BCAS3: variants seen among roughly 807,000 people sequenced by gnomAD.
BCAS3 encodes BCAS3 microtubule associated cell migration factor, also known as BCAS4/BCAS3 fusion.
BCAS3 carries 53 observed loss-of-function variants against 116.1 expected under a neutral mutation model. The ratio of observed to expected loss-of-function variants is 0.46; its 90% confidence interval spans 0.37 to 0.57. BCAS3 has a LOEUF of 0.57. Ranked by LOEUF, BCAS3 falls within the 20% of genes least tolerant of loss-of-function variation. The pLI is 0.00. For synonymous variants in BCAS3, 391 were observed against 408.2 expected (o/e 0.96, Z 0.51); for missense variants, 917 against 1,165.4 (o/e 0.79, Z 3.10).
At chr17:60,940,081 C>T (rs1443854293) in intron 13 of BCAS3, among the ~76,000 whole-genome samples, 6 of 152,106 alleles carry the variant, frequency 3.9e-5, no homozygotes, top group Middle Eastern at 3.4e-3. Context: ...TAATACACTT[C>T]GAACTGCTAA....
At position 61,041,441 on chromosome 17, in the gene BCAS3, CT is replaced by C. The variant is rs2067501835; in HGVS notation, c.2029+554del. Among the ~76,000 whole-genome samples, 3 of 149,718 alleles carry C rather than the reference CT, an allele frequency of 2.0e-5. No individual in the cohort carries two copies. The East Asian group carries it at 5.8e-4, about 29-fold the overall frequency. On this transcript the variant is annotated intron_variant, in intron 19 of 23. Coordinates refer to ENST00000407086, the MANE Select transcript of BCAS3 (RefSeq NM_017679.5). This position sits in a 1 kb window ranked among gnomAD's most constrained non-coding sequence, Gnocchi z 4.7. Reference sequence around the variant, plus strand: ...CCAAGTTCATTGACCTAGATAACAGCTTTTTATATGGGAGTCATTTAAAGGC... The same window carrying C: ...CCAAGTTCATTGACCTAGATAACAGCTTTTATATGGGAGTCATTTAAAGGC...
chr17:61,199,896 C>T lies in BCAS3; in HGVS notation c.2425+115332C>T, dbSNP rs1415266645. On this transcript the variant is annotated intron_variant, in intron 22 of 23. Coordinates refer to ENST00000407086, the MANE Select transcript of BCAS3 (RefSeq NM_017679.5). This position sits in a 1 kb window ranked among gnomAD's most constrained non-coding sequence, Gnocchi z 4.6. ...GGCCCTAGGGTCATAACCTCTTAAC[C>T]TTACGGGTTATAGGTCTCTTGCTTT... Among the ~76,000 whole-genome samples the T allele has an allele frequency of 6.6e-6, 1 of 152,168 alleles. No homozygotes were observed. Among genetic ancestry groups the T allele is most frequent in the Non-Finnish European group, 1.5e-5 (1 of 68,018 alleles).
chr17:61,358,500 ATTTTTT>A (rs71150608), intron 22 of BCAS3, among the ~76,000 whole-genome samples: 1 of 130,908 alleles, frequency 7.6e-6, no homozygotes, highest in Non-Finnish European at 1.6e-5. Flanking sequence ...CACGTTTTTA[ATTTTTT>A]TTTTTTTTTT....
At chr17:60,741,656 G>A (rs561027053) in intron 5 of BCAS3, among the ~76,000 whole-genome samples, 1 of 152,266 alleles carries the variant, frequency 6.6e-6, no homozygotes, top group Non-Finnish European at 1.5e-5. Context: ...CAGTTACCAT[G>A]CATCTATTGA....
In BCAS3 at chr17:61,310,620, T is replaced by A. The variant is rs750872660; in HGVS notation, c.2426-57707T>A. Among the ~76,000 whole-genome samples, 213 of 151,414 alleles carry A rather than the reference T, an allele frequency of 1.4e-3. 1 individual carries two copies. Among genetic ancestry groups the A allele is most frequent in the Non-Finnish European group, 2.0e-3 (139 of 67,908 alleles). On this transcript the variant is annotated intron_variant, in intron 22 of 23. Transcript: ENST00000407086. ...AATCTGTCTCTAGCCTGCATGCGAA[T>A]CATCGCCCAGAAACTAATCTGTCCC...
At chr17:60,732,833 G>A (rs574987085) in intron 5 of BCAS3, among the ~76,000 whole-genome samples, 12 of 152,152 alleles carry the variant, frequency 7.9e-5, no homozygotes, top group Admixed American at 3.3e-4. Context: ...GCGAGACATC[G>A]TCTCAAAAAT....
At chr17:60,858,518 G>A (rs1038165193) in intron 7 of BCAS3, among the ~76,000 whole-genome samples, 3 of 151,924 alleles carry the variant, frequency 2.0e-5, no homozygotes, top group African/African-American at 7.3e-5. Context: ...CTTTTTAAAT[G>A]CTGAGTACTT....
In BCAS3 at chr17:61,126,517, C is replaced by G. The variant is rs1043377890; in HGVS notation, c.2425+41953C>G. Among the ~76,000 whole-genome samples the G allele has an allele frequency of 6.6e-6, 1 of 152,108 alleles. No individual in the cohort carries two copies. The highest frequency in any genetic ancestry group is 1.5e-5 in the Non-Finnish European group (1 of 67,992). Reference sequence around the variant, plus strand: ...TCATAATCCAACATAAATTGGCCCACCCAAGGATTATGTCTGTTTTATAAA... The same window carrying G: ...TCATAATCCAACATAAATTGGCCCAGCCAAGGATTATGTCTGTTTTATAAA... On this transcript the variant is annotated intron_variant, in intron 22 of 23. Coordinates refer to ENST00000407086, the MANE Select transcript of BCAS3 (RefSeq NM_017679.5). The surrounding 1 kb of genome is among the most constrained non-coding windows in gnomAD (Gnocchi z 4.6).
intron 22 of BCAS3, among the ~76,000 whole-genome samples, chr17:61,223,151 CTT>C (rs34499099): frequency 7.8e-4 from 62 of 79,080 alleles, no homozygotes; most frequent in African/African-American, 2.9e-3. Flanking sequence ...GATGCAGCGC[CTT>C]TTTTTTTTTT....
rs748517297 is a variant in BCAS3, at chr17:61,028,320, A to G, written c.1638-6346A>G. 7.2e-5 allele frequency among the ~76,000 whole-genome samples: 11 copies of G among 151,874 alleles called. No individual in the cohort carries two copies. The highest frequency in any genetic ancestry group is 1.6e-4 in the Non-Finnish European group (11 of 67,796). On this transcript the variant is annotated intron_variant, in intron 16 of 23. Coordinates refer to ENST00000407086, the MANE Select transcript of BCAS3 (RefSeq NM_017679.5). The surrounding 1 kb of genome is among the most constrained non-coding windows in gnomAD (Gnocchi z 4.3). Reference sequence around the variant, plus strand: ...CACAGTTTGCAAAACTATTCTAAACAAATTCAGGATATACAAGAATATAAA... The same window carrying G: ...CACAGTTTGCAAAACTATTCTAAACGAATTCAGGATATACAAGAATATAAA...
At chr17:60,808,141 C>T in intron 7 of BCAS3, 65 bp downstream of exon 7, 1 of 1,119,844 alleles carries the variant, frequency 8.9e-7, no homozygotes, top group Non-Finnish European at 1.3e-6. Flanking sequence ...AGAGGGAGAA[C>T]TTTGATGTTA....
rs2075938449 is a variant in BCAS3 at position 61,124,146 on chromosome 17, T to C, written c.2425+39582T>C. On this transcript the variant is annotated intron_variant, in intron 22 of 23. Coordinates refer to ENST00000407086, the MANE Select transcript of BCAS3 (RefSeq NM_017679.5). The surrounding 1 kb of genome is among the most constrained non-coding windows in gnomAD (Gnocchi z 4.6). ...GAAGTCAGATATCTTTGATCTCATT[T>C]CTTTTACTCATTTTGTGTTTGTTTA... Among the ~76,000 whole-genome samples, 1 of 152,170 alleles carries C rather than the reference T, an allele frequency of 6.6e-6. No individual in the cohort carries two copies. The highest frequency in any genetic ancestry group is 6.5e-5 in the Admixed American group (1 of 15,270).
chr17:61,310,870 G>C (rs1030992143), intron 22 of BCAS3, among the ~76,000 whole-genome samples: 2 of 152,162 alleles, frequency 1.3e-5, no homozygotes, highest in Non-Finnish European at 2.9e-5. Context: ...GTAGAATGCC[G>C]ATGAGGATCT....
chr17:60,910,794 T>G lies in BCAS3; in HGVS notation c.993+92T>G, dbSNP rs539311006. 1.1e-5 allele frequency: 13 copies of G among 1,170,926 alleles called. No homozygotes were observed. In the East Asian group the frequency reaches 2.7e-4, roughly 25 times the overall value. The allele number at this position is 1,170,926 out of a possible 1,614,324, so 72.5% of individuals were successfully genotyped here. On this transcript the variant is annotated intron_variant, in intron 12 of 23. Coordinates refer to ENST00000407086, the MANE Select transcript of BCAS3 (RefSeq NM_017679.5). ...TCAAAATGTATTTGGCCTAGGAGATTATCAATTTGGAATTTTAGGAATTCA... is the reference window on the plus strand; with the variant it reads ...TCAAAATGTATTTGGCCTAGGAGATGATCAATTTGGAATTTTAGGAATTCA...
chr17:61,373,282 G>T (rs1044814253), intron 23 of BCAS3, among the ~76,000 whole-genome samples: 3 of 151,998 alleles, frequency 2.0e-5, no homozygotes, highest in Non-Finnish European at 4.4e-5. Flanking sequence ...TAGAGACAGG[G>T]TTTCACCGTG....
At chr17:61,271,272 C>T (rs1375447740) in intron 22 of BCAS3, among the ~76,000 whole-genome samples, 13 of 149,074 alleles carry the variant, frequency 8.7e-5, no homozygotes, top group Non-Finnish European at 1.5e-4. Flanking sequence ...GGATTACAGG[C>T]GCATGCCACC....
At chr17:61,024,452 T>C (rs1437289377) in intron 16 of BCAS3, among the ~76,000 whole-genome samples, 2 of 152,114 alleles carry the variant, frequency 1.3e-5, no homozygotes, top group Non-Finnish European at 2.9e-5. Flanking sequence ...AACTTTAAAC[T>C]AACACAAGTG....
chr17:60,831,492 T>C (rs2050925988), intron 7 of BCAS3, among the ~76,000 whole-genome samples: 1 of 152,214 alleles, frequency 6.6e-6, no homozygotes, highest in Non-Finnish European at 1.5e-5. Context: ...ATGTCTTCCT[T>C]ATGTTAACTG....
chr17:61,150,041 G>T (rs1011219090), intron 22 of BCAS3, among the ~76,000 whole-genome samples: 1 of 152,176 alleles, frequency 6.6e-6, no homozygotes, highest in African/African-American at 2.4e-5. Context: ...TAACAGGAAA[G>T]GGGGTGGGGA....
Sources: gnomAD v4.1 joint callset for allele counts (sites outside exome capture counted in the v4.1 genomes callset) on GRCh38, gnomAD v4.1.1 for gene constraint, Gnocchi (gnomAD v3.1) non-coding constraint, MANE v1.5 for transcripts, NCBI Gene and HGNC (gene_info 2026-07-23, HGNC 2026-07-21) for gene names.